GLIS3: variants seen among roughly 807,000 people sequenced by gnomAD.
The protein encoded by GLIS3 is GLIS family zinc finger 3.
A neutral mutation model predicts 78.6 loss-of-function variants in GLIS3; 53 were observed. That is an observed-to-expected ratio of 0.67 (90% CI 0.54 to 0.85). The LOEUF (loss-of-function observed/expected upper bound fraction) is 0.85. Among genes scored for constraint, GLIS3 ranks in the 40% least tolerant of loss-of-function variants. GLIS3 has a pLI of 0.00. For missense variants in GLIS3, 1,703 were observed against 1,231.1 expected, an observed-to-expected ratio of 1.38 and a Z score of -5.74; for synonymous variants, 684 against 509.9, an observed-to-expected ratio of 1.34 and a Z score of -4.60.
At chr9:3,884,542 C>T (rs983603655) in intron 7 of GLIS3, among the ~76,000 whole-genome samples, 3 of 152,132 alleles carry the variant, frequency 2.0e-5, no homozygotes, top group Admixed American at 6.6e-5. Flanking sequence ...GGTGCTGAGG[C>T]TGCTGGTATG....
At chr9:4,242,885 T>C (rs1319405119) in intron 2 of GLIS3, among the ~76,000 whole-genome samples, 3 of 152,230 alleles carry the variant, frequency 2.0e-5, no homozygotes, top group African/African-American at 4.8e-5. Flanking sequence ...TTTTTTAATG[T>C]GGCTACTAAA....
At chr9:4,059,829 T>TGTGTGTGTGTGTGTGTGTGA in intron 4 of GLIS3, among the ~76,000 whole-genome samples, 1,145 of 100,634 alleles carry the variant, frequency 0.011, 17 homozygotes, top group Middle Eastern at 0.019. Context: ...TGTGTGTGTG[T>TGTGTGTGTGTGTGTGTGTGA]GAGAGAGAGA....
chr9:3,991,274 T>C (rs1367816459), intron 4 of GLIS3, among the ~76,000 whole-genome samples: 9 of 152,084 alleles, frequency 5.9e-5, no homozygotes, highest in Admixed American at 5.2e-4. Context: ...TTAAGACAAA[T>C]GTCCATTTTG....
At chr9:4,172,192 T>G (rs1485125168) in intron 2 of GLIS3, among the ~76,000 whole-genome samples, 2 of 152,240 alleles carry the variant, frequency 1.3e-5, no homozygotes, top group African/African-American at 4.8e-5. Context: ...ATTTCTTATT[T>G]ACTTGGAAAG....
At chr9:4,196,985 C>G (rs1162019132) in intron 2 of GLIS3, among the ~76,000 whole-genome samples, 15 of 151,896 alleles carry the variant, frequency 9.9e-5, no homozygotes, top group Non-Finnish European at 2.9e-5. Flanking sequence ...CTTGCCTGGA[C>G]CAGCAGCCTA....
At chr9:4,422,465 G>C in the GLIS3 span, among the ~76,000 whole-genome samples, 1 of 152,190 alleles carries the variant, frequency 6.6e-6, no homozygotes, top group Non-Finnish European at 1.5e-5. Context: ...CCAGGATTTG[G>C]GGTTAGTGGG....
intron 4 of GLIS3, among the ~76,000 whole-genome samples, chr9:4,097,709 A>T (rs1161812917): frequency 6.6e-6 from 1 of 152,196 alleles, no homozygotes; most frequent in African/African-American, 2.4e-5. Context: ...AGCACACTGA[A>T]TTGCTCAATA....
At chr9:4,257,783 C>T (rs1023096014) in intron 2 of GLIS3, among the ~76,000 whole-genome samples, 15 of 152,074 alleles carry the variant, frequency 9.9e-5, no homozygotes, top group African/African-American at 2.7e-4. Context: ...CTGTGTTAGC[C>T]GGGATGGTCT....
intron 2 of GLIS3, among the ~76,000 whole-genome samples, chr9:4,279,310 A>AT (rs1315546254): frequency 2.6e-4 from 21 of 80,540 alleles, no homozygotes; most frequent in African/African-American, 1.5e-3. Flanking sequence ...AAAAAAAAAA[A>AT]AAAAATATAT....
At chr9:4,178,367 T>C (rs997828258) in intron 2 of GLIS3, among the ~76,000 whole-genome samples, 5 of 152,220 alleles carry the variant, frequency 3.3e-5, no homozygotes, top group African/African-American at 1.2e-4. Context: ...GGAGATCATA[T>C]GACCTATGAT....
chr9:4,482,983 C>A, the GLIS3 span, among the ~76,000 whole-genome samples: 1 of 152,114 alleles, frequency 6.6e-6, no homozygotes, highest in Admixed American at 6.5e-5. Context: ...ACAAGTCTTT[C>A]AATTTGGCTT....
At chr9:4,448,562 G>C in the GLIS3 span, among the ~76,000 whole-genome samples, 2 of 152,218 alleles carry the variant, frequency 1.3e-5, no homozygotes, top group African/African-American at 4.8e-5. Context: ...GACATTTACA[G>C]ATATTTCCAG....
chr9:3,910,860 A>C (rs918284638), intron 6 of GLIS3, among the ~76,000 whole-genome samples: 5 of 152,234 alleles, frequency 3.3e-5, no homozygotes, highest in African/African-American at 1.2e-4. Context: ...TCACTTACTA[A>C]AACATCAGTC....
At chr9:4,486,201 G>A in the GLIS3 span, among the ~76,000 whole-genome samples, 1 of 152,058 alleles carries the variant, frequency 6.6e-6, no homozygotes, top group Non-Finnish European at 1.5e-5. Context: ...CCAAAATATG[G>A]CATTTTGACA....
At chr9:4,126,053 A>ATT in intron 2 of GLIS3, 112 bp from the exon 3 acceptor site, 17 of 654,376 alleles carry the variant, frequency 2.6e-5, no homozygotes, top group Non-Finnish European at 3.8e-5. Context: ...TCCTCAGATC[A>ATT]TTTTTTTTTT....
chr9:4,078,349 C>T (rs1195920399), intron 4 of GLIS3, among the ~76,000 whole-genome samples: 1 of 152,176 alleles, frequency 6.6e-6, no homozygotes, highest in African/African-American at 2.4e-5. Context: ...AGTCCTGCTC[C>T]TGACCCATTC....
At chr9:3,971,454 G>A (rs1818376553) in intron 4 of GLIS3, among the ~76,000 whole-genome samples, 1 of 152,146 alleles carries the variant, frequency 6.6e-6, no homozygotes, top group Admixed American at 6.6e-5. Context: ...TTTCAGAAAT[G>A]AGAAAATTCT....
chr9:4,319,982 G>T (rs202072936), intron 2 of GLIS3, among the ~76,000 whole-genome samples: 1,219 of 117,200 alleles, frequency 0.01, 6 homozygotes, highest in Non-Finnish European at 0.016. Context: ...AGTAGAGGGG[G>T]TTGTGTGTGT....
intron 4 of GLIS3, among the ~76,000 whole-genome samples, chr9:4,081,043 G>A (rs1044462026): frequency 2.6e-5 from 4 of 152,160 alleles, no homozygotes; most frequent in Non-Finnish European, 5.9e-5. Flanking sequence ...GCTTGTCCTT[G>A]ATTACGGCAG....
Sources: allele counts gnomAD v4.1 joint callset (sites outside exome capture counted in the v4.1 genomes callset), GRCh38; gene constraint gnomAD v4.1.1; transcripts MANE v1.5; gene names NCBI Gene and HGNC (gene_info 2026-07-23, HGNC 2026-07-21).